NWD1: variants seen among roughly 807,000 people sequenced by gnomAD.
NWD1 encodes the protein NACHT and WD repeat domain containing 1, also known as NACHT domain- and WD repeat-containing protein 1.
NWD1 carries 129 observed loss-of-function variants against 135.1 expected under a neutral mutation model. The ratio of observed to expected loss-of-function variants is 0.96; its 90% CI spans 0.83 to 1.11. NWD1 has a LOEUF of 1.11. Ranked by LOEUF, NWD1 falls within the 50% of genes least tolerant of loss-of-function variation. The pLI is 0.00. For synonymous variants in NWD1, 773 were observed against 786.0 expected (o/e 0.98, Z 0.28); for missense variants, 1,740 against 1,851.3 (o/e 0.94, Z 1.10).
rs147713373 is a variant in NWD1 at position 16,737,964 on chromosome 19, C to CAAAAGAAAAGAAAAGAAAAGAAAA, written c.198+1214_198+1215insAAAAGAAAAGAAAAGAAAAGAAAA. Among the ~76,000 whole-genome samples the CAAAAGAAAAGAAAAGAAAAGAAAA allele has an allele frequency of 2.2e-4, 28 of 124,612 alleles. 7 individuals carry two copies. The highest frequency in any genetic ancestry group is 3.9e-4 in the African/African-American group (12 of 30,482). 81.8% of individuals were successfully genotyped at this position (124,612 alleles called of 152,430 possible). On this transcript the variant is annotated intron_variant, in intron 4 of 18. Transcript: ENST00000524140. ...TGGGCGACAGAGCAAGACTCTATCT[C>CAAAAGAAAAGAAAAGAAAAGAAAA]GAAAAGAAAAGAAAAGAAAAGAAAA... is the stretch of plus-strand genomic sequence containing the variant.
Position 16,749,155 on chromosome 19 carries a change from A to G in NWD1, c.513A>G (p.Ile171Met). Residue 171 changes from isoleucine (I) to methionine (M), a missense_variant, in exon 6 of 19, where the codon ATA (isoleucine) becomes ATG (methionine). Transcript: ENST00000524140. The part of the protein sequence containing the change: ...HYHRSVIEWE[I>M]ERSLLSSEDR... ...CTTTGGCAGTCATTGAGTGGGAGAT[A>G]GAGCGGAGCCTGCTGAGCTCAGAGG... 6.2e-7 allele frequency: 1 copy of G among 1,603,276 alleles called. No individual in the cohort carries two copies. The highest frequency in any genetic ancestry group is 1.1e-5 in the South Asian group (1 of 89,922).
intron 15 of NWD1, among the ~76,000 whole-genome samples, chr19:16,795,573 C>A (rs151133930): frequency 6.6e-6 from 1 of 151,986 alleles, no homozygotes; most frequent in Non-Finnish European, 1.5e-5. Flanking sequence ...CCTGCTACCA[C>A]GTCCCGCTAA....
At chr19:16,771,806 A>G (rs1787473346) in intron 10 of NWD1, among the ~76,000 whole-genome samples, 1 of 151,428 alleles carries the variant, frequency 6.6e-6, no homozygotes, top group Admixed American at 6.6e-5. Context: ...ATAACATCCT[A>G]AATGATCCAA....
chr19:16,760,916 G>C (rs1968985995), intron 7 of NWD1, among the ~76,000 whole-genome samples: 1 of 152,128 alleles, frequency 6.6e-6, no homozygotes, highest in African/African-American at 2.4e-5. Flanking sequence ...CAATTGAGTG[G>C]TATTTTAGTA....
At chr19:16,733,451 G>A (rs1967662556) in intron 3 of NWD1, among the ~76,000 whole-genome samples, 1 of 151,224 alleles carries the variant, frequency 6.6e-6, no homozygotes, top group African/African-American at 2.4e-5. Flanking sequence ...AACCTGGGAG[G>A]TGGTGGTTGC....
intron 14 of NWD1, among the ~76,000 whole-genome samples, chr19:16,792,540 G>A (rs1011827126): frequency 2.6e-5 from 4 of 152,066 alleles, no homozygotes; most frequent in Non-Finnish European, 5.9e-5. Context: ...AAATTAGCCG[G>A]GCGTGGTGGT....
At chr19:16,737,470 T>A (rs1334406434) in intron 4 of NWD1, among the ~76,000 whole-genome samples, 1 of 151,898 alleles carries the variant, frequency 6.6e-6, no homozygotes, top group Non-Finnish European at 1.5e-5. Flanking sequence ...TTGCCCAGGC[T>A]GGTCTTGAAC....
At position 16,738,003 on chromosome 19, in the gene NWD1, A is replaced by AAG. The variant is rs1555717607; in HGVS notation, c.198+1255_198+1256dup. On this transcript the variant is annotated intron_variant, in intron 4 of 18. Transcript: ENST00000524140. ...AAGAAAAGAAAAGAAAAGAAAAGAA[A>AAG]AGAAAAGAAATTCTAGAGCAGAGGC... 5.1e-5 allele frequency among the ~76,000 whole-genome samples: 7 copies of AAG among 138,060 alleles called. 1 individual carries two copies. The highest frequency in any genetic ancestry group is 8.1e-5 in the Non-Finnish European group (5 of 61,870). The allele number at this position is 138,060 out of a possible 152,430, so 90.6% of individuals were successfully genotyped here. A position where few individuals can be genotyped will look rare whatever the true frequency, so the allele number is the denominator to read the frequency against.
chr19:16,765,290 C>G, intron 10 of NWD1, 98 bp downstream of exon 10: 2 of 1,135,382 alleles, frequency 1.8e-6, no homozygotes, highest in Non-Finnish European at 2.5e-6. Flanking sequence ...TTCATCAATT[C>G]TCATACCTTT....
chr19:16,798,594 AAACAAG>A (rs1275040856), intron 16 of NWD1, among the ~76,000 whole-genome samples: 2 of 152,100 alleles, frequency 1.3e-5, no homozygotes. Context: ...CTGGGTGACA[AAACAAG>A]AACCTGTCTC....
At chr19:16,804,816 C>CT (rs112320738) in intron 17 of NWD1, among the ~76,000 whole-genome samples, 11 of 150,498 alleles carry the variant, frequency 7.3e-5, no homozygotes, top group East Asian at 3.9e-4. Flanking sequence ...CCTGGGGCCT[C>CT]TTTTTTTTGT....
At chr19:16,799,851 G>A in intron 16 of NWD1, 35 bp from the exon 17 acceptor site, 1 of 1,551,366 alleles carries the variant, frequency 6.4e-7, no homozygotes, top group Non-Finnish European at 8.7e-7. Context: ...GTCCACAGAA[G>A]ATGTCAGATC....
Position 16,817,275 on chromosome 19 carries a change from G to C in NWD1, c.*2236G>C, listed in dbSNP as rs1028539724. ...AGATTGTGCCACTGCACTCCAGCCT[G>C]GGTGACAGAGCAAGACTCCATCTCA... On this transcript the variant is annotated 3_prime_UTR_variant, in exon 19 of 19. Transcript: ENST00000524140. The C allele has an allele frequency of 9.2e-5, 14 of 151,832 alleles. No individual in the cohort carries two copies. The highest frequency in any genetic ancestry group is 3.4e-4 in the African/African-American group (14 of 41,276). 9.4% of individuals were successfully genotyped at this position (151,832 alleles called of 1,614,324 possible).
chr19:16,741,176 G>C (rs1431386172), intron 4 of NWD1, among the ~76,000 whole-genome samples: 1 of 152,062 alleles, frequency 6.6e-6, no homozygotes, highest in Non-Finnish European at 1.5e-5. Context: ...AAGAAAAGGG[G>C]GAGGGGACAG....
intron 3 of NWD1, among the ~76,000 whole-genome samples, chr19:16,735,435 G>A (rs971653908): frequency 6.6e-6 from 1 of 151,346 alleles, no homozygotes; most frequent in Non-Finnish European, 1.5e-5. Flanking sequence ...GAACTCGGGA[G>A]GCGGAGGTTG....
chr19:16,761,307 A>G (rs1213568329), intron 7 of NWD1, among the ~76,000 whole-genome samples: 2 of 149,892 alleles, frequency 1.3e-5, no homozygotes. Flanking sequence ...TGTTGTGAAC[A>G]TGCATGTGTA....
Position 16,765,401 on chromosome 19 carries a change from G to A in NWD1, c.2410+209G>A, listed in dbSNP as rs376425455. Among the ~76,000 whole-genome samples the A allele has an allele frequency of 1.9e-3, 291 of 152,194 alleles. 1 individual carries two copies. Among genetic ancestry groups the A allele is most frequent in the Middle Eastern group, 3.4e-3 (1 of 294 alleles). ...CAGGCTGGAGTTCAGTGGTGCAATC[G>A]TAGCTCACTGTAGCCTCAGACTCCT... On this transcript the variant is annotated intron_variant, in intron 10 of 18. Coordinates refer to ENST00000524140, the MANE Select transcript of NWD1 (RefSeq NM_001007525.5).
rs200852831 is a variant in NWD1, at chr19:16,812,671, AAAACAAAC to A, written c.4288-2333_4288-2326del. 227 of 769,100 alleles carry A rather than the reference AAAACAAAC, an allele frequency of 3.0e-4. 1 individual carries two copies. Among genetic ancestry groups the A allele is most frequent in the Admixed American group, 8.2e-4 (48 of 58,254 alleles). 47.6% of individuals were successfully genotyped at this position (769,100 alleles called of 1,614,324 possible). A position where few individuals can be genotyped will look rare whatever the true frequency, so the allele number is the denominator to read the frequency against. On this transcript the variant is annotated intron_variant, in intron 18 of 18. Transcript: ENST00000524140. ...GCAACAAGAGTGAAACTCCATCTCA[AAAACAAAC>A]AAACAAACAAACAAACAAACAAAAA...
chr19:16,815,110 G>T lies in NWD1; in HGVS notation c.*71G>T, dbSNP rs376518628. ...CCAGTGGCTTCATTGCCCCCACCAG[G>T]CATGGTTATCTGATCCGAGAGAATT... On this transcript the variant is annotated 3_prime_UTR_variant, in exon 19 of 19. Coordinates refer to ENST00000524140, the MANE Select transcript of NWD1 (RefSeq NM_001007525.5). 6 of 1,456,258 alleles carry T rather than the reference G, an allele frequency of 4.1e-6. No individual in the cohort carries two copies. Among genetic ancestry groups the T allele is most frequent in the African/African-American group, 2.8e-5 (2 of 71,680 alleles). The allele number at this position is 1,456,258 out of a possible 1,614,324, so 90.2% of individuals were successfully genotyped here.
Sources: allele counts gnomAD v4.1 joint callset (sites outside exome capture counted in the v4.1 genomes callset), GRCh38; gene constraint gnomAD v4.1.1; transcripts MANE v1.5; gene names NCBI Gene and HGNC (gene_info 2026-07-23, HGNC 2026-07-21).